SDCCAG8: variants seen among roughly 807,000 people sequenced by gnomAD.
SDCCAG8 encodes the protein serologically defined colon cancer antigen 8.
A neutral mutation model predicts 101.8 loss-of-function variants in SDCCAG8; 74 were observed. The observed-to-expected ratio is 0.73, with a 90% CI of 0.60 to 0.88. SDCCAG8 has a LOEUF of 0.88. Among genes scored for constraint, SDCCAG8 ranks in the 40% least tolerant of loss-of-function variants. SDCCAG8 has a pLI of 0.00. For missense variants in SDCCAG8, 787 were observed against 822.6 expected (o/e 0.96, Z 0.53); for synonymous variants, 281 against 292.9 (o/e 0.96, Z 0.41).
intron 16 of SDCCAG8, among the ~76,000 whole-genome samples, chr1:243,444,135 T>C (rs552524151): frequency 5.3e-5 from 8 of 152,322 alleles, no homozygotes; most frequent in African/African-American, 1.9e-4. Flanking sequence ...CTAGTTTGTA[T>C]AATTTTTGTG....
At chr1:243,496,596 C>T (rs765410922) in intron 17 of SDCCAG8, among the ~76,000 whole-genome samples, 1 of 152,212 alleles carries the variant, frequency 6.6e-6, no homozygotes, top group Non-Finnish European at 1.5e-5. Context: ...GAGCCACCCA[C>T]GGAGACAGTG....
chr1:243,386,697 G>A (rs1008938338), intron 13 of SDCCAG8, among the ~76,000 whole-genome samples: 2 of 152,100 alleles, frequency 1.3e-5, no homozygotes, highest in East Asian at 1.9e-4. Flanking sequence ...AGGTTACAGT[G>A]AGCCGAGATT....
At chr1:243,259,194 A>G (rs1471810354) in intron 1 of SDCCAG8, among the ~76,000 whole-genome samples, 1 of 151,426 alleles carries the variant, frequency 6.6e-6, no homozygotes, top group Non-Finnish European at 1.5e-5. Context: ...AGGTCAGGAG[A>G]TGGGAGACCA....
At chr1:243,471,428 G>A (rs962231375) in intron 16 of SDCCAG8, among the ~76,000 whole-genome samples, 7 of 152,112 alleles carry the variant, frequency 4.6e-5, no homozygotes, top group Non-Finnish European at 8.8e-5. Context: ...TTACGCTCGT[G>A]GGTTCTGTCT....
chr1:243,384,207 T>A (rs1356394980), intron 13 of SDCCAG8, among the ~76,000 whole-genome samples: 1 of 152,224 alleles, frequency 6.6e-6, no homozygotes, highest in Non-Finnish European at 1.5e-5. Context: ...AGAGGTCTTA[T>A]CAGTATTATA....
intron 10 of SDCCAG8, among the ~76,000 whole-genome samples, chr1:243,335,387 T>C (rs2074928154): frequency 2.0e-5 from 3 of 152,172 alleles, no homozygotes; most frequent in African/African-American, 7.2e-5. Context: ...CCAGCTATTG[T>C]TCACGCCTAG....
At chr1:243,445,806 T>G (rs2082861680) in intron 16 of SDCCAG8, among the ~76,000 whole-genome samples, 1 of 152,240 alleles carries the variant, frequency 6.6e-6, no homozygotes, top group Admixed American at 6.5e-5. Flanking sequence ...CACACCTAAT[T>G]GGACAAACTT....
chr1:243,338,445 T>A (rs2075164068), intron 10 of SDCCAG8, among the ~76,000 whole-genome samples: 2 of 151,940 alleles, frequency 1.3e-5, no homozygotes, highest in African/African-American at 4.8e-5. Context: ...TAAATTCCAT[T>A]TGTGTGGGAA....
At chr1:243,260,438 G>A (rs928984987) in intron 1 of SDCCAG8, among the ~76,000 whole-genome samples, 1 of 152,222 alleles carries the variant, frequency 6.6e-6, no homozygotes, top group East Asian at 1.9e-4. Flanking sequence ...TCAATACATC[G>A]TTGTATAAAG....
At chr1:243,262,348 C>T (rs192640621) in intron 1 of SDCCAG8, among the ~76,000 whole-genome samples, 2 of 117,244 alleles carry the variant, frequency 1.7e-5, no homozygotes, top group Non-Finnish European at 2.0e-5. Context: ...TCAAGTGATC[C>T]ACCTGCCTTG....
chr1:243,330,985 C>A (rs934663006), intron 10 of SDCCAG8, among the ~76,000 whole-genome samples: 1 of 152,188 alleles, frequency 6.6e-6, no homozygotes, highest in African/African-American at 2.4e-5. Flanking sequence ...TCTCGTGTTT[C>A]CCAGAGTCGT....
chr1:243,377,691 A>T (rs2077677993), intron 12 of SDCCAG8, among the ~76,000 whole-genome samples: 1 of 151,984 alleles, frequency 6.6e-6, no homozygotes, highest in Admixed American at 6.6e-5. Flanking sequence ...GACATGAGGA[A>T]ATTTGGAAGT....
chr1:243,296,697 T>C (rs1164302747), intron 6 of SDCCAG8, among the ~76,000 whole-genome samples: 3 of 151,584 alleles, frequency 2.0e-5, no homozygotes, highest in Non-Finnish European at 4.4e-5. Flanking sequence ...CGCCCGCCAC[T>C]GCGCCCGGCT....
intron 16 of SDCCAG8, among the ~76,000 whole-genome samples, chr1:243,436,417 G>A (rs2082138413): frequency 6.6e-6 from 1 of 152,086 alleles, no homozygotes; most frequent in Non-Finnish European, 1.5e-5. Context: ...TGTGAAGGGT[G>A]TAAAGTCTCT....
intron 3 of SDCCAG8, among the ~76,000 whole-genome samples, chr1:243,273,379 A>G (rs967309984): frequency 6.6e-6 from 1 of 152,176 alleles, no homozygotes; most frequent in Non-Finnish European, 1.5e-5. Context: ...AAAAAAAATT[A>G]TGTGATGGGT....
chr1:243,400,304 G>A (rs547084500), intron 13 of SDCCAG8, among the ~76,000 whole-genome samples: 17 of 152,246 alleles, frequency 1.1e-4, no homozygotes, highest in African/African-American at 2.9e-4. Context: ...CAGGAATCAC[G>A]TTTTTAGGAA....
chr1:243,355,449 G>A (rs2076331401), intron 12 of SDCCAG8, among the ~76,000 whole-genome samples: 2 of 152,068 alleles, frequency 1.3e-5, no homozygotes, highest in Admixed American at 6.6e-5. Flanking sequence ...GCGAGGGGAC[G>A]CTCATATCTT....
At chr1:243,276,018 C>T (rs1317105344) in intron 4 of SDCCAG8, among the ~76,000 whole-genome samples, 1 of 151,982 alleles carries the variant, frequency 6.6e-6, no homozygotes, top group Non-Finnish European at 1.5e-5. Flanking sequence ...CCTGCGCCAC[C>T]ACGCCCAGCT....
intron 12 of SDCCAG8, among the ~76,000 whole-genome samples, chr1:243,352,726 A>G (rs1404046772): frequency 1.3e-5 from 2 of 152,258 alleles, no homozygotes; most frequent in Admixed American, 6.5e-5. Context: ...CAGTAGTTCC[A>G]TCACCCAAAC....
Sources: gnomAD v4.1 joint callset for allele counts (sites outside exome capture counted in the v4.1 genomes callset) on GRCh38, gnomAD v4.1.1 for gene constraint, MANE v1.5 for transcripts, NCBI Gene and HGNC (gene_info 2026-07-23, HGNC 2026-07-21) for gene names.